The following IFI16 variants were observed in gnomAD, a reference collection of about 807,000 sequenced individuals.
IFI16 encodes the protein interferon gamma inducible protein 16.
A neutral mutation model predicts 68.4 loss-of-function variants in IFI16; 49 were observed. The observed-to-expected ratio is 0.72, with a 90% CI of 0.57 to 0.91. The LOEUF is 0.91. Among genes scored for constraint, IFI16 ranks in the 40% least tolerant of loss-of-function variants. The pLI is 0.00. For missense variants in IFI16, 878 were observed against 942.9 expected, an observed-to-expected ratio of 0.93 and a Z score of 0.90; for synonymous variants, 307 against 315.0, an observed-to-expected ratio of 0.97 and a Z score of 0.27.
At chr1:159,019,751 G>A (rs530076961) in intron 5 of IFI16, among the ~76,000 whole-genome samples, 4 of 152,224 alleles carry the variant, frequency 2.6e-5, no homozygotes, top group South Asian at 4.1e-4. Flanking sequence ...GAGCCATTGC[G>A]CATGGCCTAT....
rs191153476 is a variant in IFI16 at position 159,040,325 on chromosome 1, T to G, written c.1330-4972T>G. Among the ~76,000 whole-genome samples, 369 of 152,310 alleles carry G rather than the reference T, an allele frequency of 2.4e-3. 1 individual carries two copies. Among genetic ancestry groups the G allele is most frequent in the Middle Eastern group, 6.8e-3 (2 of 294 alleles). On this transcript the variant is annotated intron_variant, in intron 7 of 11. Coordinates refer to ENST00000295809, the MANE Select transcript of IFI16 (RefSeq NM_001376587.1). ...ATCATATTGCTTAAGAATAAATGCCTTGTGTGGTAAAAGCTATTTTTAGAG... is the reference window on the plus strand; with the variant it reads ...ATCATATTGCTTAAGAATAAATGCCGTGTGTGGTAAAAGCTATTTTTAGAG...
chr1:159,032,651 A>G lies in IFI16; in HGVS notation c.1289A>G (p.Gln430Arg). 6.2e-7 allele frequency: 1 copy of G among 1,607,530 alleles called. No individual in the cohort carries two copies. The highest frequency in any genetic ancestry group is 8.5e-7 in the Non-Finnish European group (1 of 1,177,764). The change falls in exon 7 of 12, where the codon CAG (glutamine) becomes CGG (arginine). Residue 430 changes from glutamine to arginine, a missense_variant. Physicochemically the swap from Gln to Arg is conservative, Grantham distance 43. Coordinates refer to ENST00000295809, the MANE Select transcript of IFI16 (RefSeq NM_001376587.1). Reference sequence around the variant, plus strand: ...CCTGAGAGCCATCTTCGGACTCCTCAGATGCCACCAACAACTCCATCCAGC... The same window carrying G: ...CCTGAGAGCCATCTTCGGACTCCTCGGATGCCACCAACAACTCCATCCAGC... ...TFPESHLRTP[Q>R]MPPTTPSSSF...
At chr1:159,021,676 T>C (rs11265131) in intron 6 of IFI16, among the ~76,000 whole-genome samples, 44,223 of 152,062 alleles carry the variant, frequency 0.29, 8,656 homozygotes, top group African/African-American at 0.55. Flanking sequence ...AAGGAATCTA[T>C]ACACTGTTTA....
chr1:159,046,041 A>G (rs866931803), intron 8 of IFI16, among the ~76,000 whole-genome samples: 4 of 151,378 alleles, frequency 2.6e-5, no homozygotes, highest in Admixed American at 6.6e-5. Context: ...CTTTTTATTA[A>G]TATATCTTGA....
In IFI16 at chr1:159,054,888, A is replaced by G. The variant is rs774141645; in HGVS notation, c.2345A>G (p.Asp782Gly). ...NPDSSMETSPDFFF is the reference protein window; with the variant it reads ...NPDSSMETSPGFFF ...GATTCAAGTATGGAAACTTCACCAG[A>G]CTTTTTCTTCTAAAATCTGGATGTC... Residue 782 changes from aspartate to glycine, a missense_variant, in exon 12 of 12, where the codon GAC (aspartate) becomes GGC (glycine). Asp to Gly is a moderately conservative substitution (Grantham distance 94). This residue lies in a region of IFI16 where 311 missense variants were observed against 305.1 expected (regional missense o/e 1.02). Transcript: ENST00000295809. 9 of 1,588,766 alleles carry G rather than the reference A, an allele frequency of 5.7e-6. No homozygotes were observed. In the Admixed American group the frequency reaches 1.5e-4, roughly 27 times the overall value.
intron 7 of IFI16, among the ~76,000 whole-genome samples, chr1:159,039,535 G>T (rs190489610): frequency 6.6e-6 from 1 of 152,038 alleles, no homozygotes; most frequent in East Asian, 1.9e-4. Flanking sequence ...GTAGAGACGG[G>T]GTTTAACCAT....
intron 6 of IFI16, among the ~76,000 whole-genome samples, chr1:159,024,632 G>A (rs759226643): frequency 2.6e-5 from 4 of 152,164 alleles, no homozygotes; most frequent in Non-Finnish European, 5.9e-5. Context: ...AGTGCTACGG[G>A]TAATTGTGTC....
chr1:159,054,247 A>G (rs1655544994), intron 11 of IFI16, among the ~76,000 whole-genome samples: 1 of 152,264 alleles, frequency 6.6e-6, no homozygotes, highest in Non-Finnish European at 1.5e-5. Flanking sequence ...AGACAGAGGT[A>G]GCTGGGTCTA....
rs192986502 is a variant in IFI16 at position 159,020,593 on chromosome 1, A to C, written c.1161+64A>C. ...GAAATGATTTGCTTTAAGTTTTGGC[A>C]AAAACAAGTTTGTAGGTTTTTTTTA... On this transcript the variant is annotated intron_variant, in intron 6 of 11. Coordinates refer to ENST00000295809, the MANE Select transcript of IFI16 (RefSeq NM_001376587.1). 3 of 1,286,096 alleles carry C rather than the reference A, an allele frequency of 2.3e-6. No individual in the cohort carries two copies. In the Admixed American group the frequency reaches 6.4e-5, roughly 27 times the overall value. 79.7% of individuals were successfully genotyped at this position (1,286,096 alleles called of 1,614,324 possible).
intron 7 of IFI16, among the ~76,000 whole-genome samples, chr1:159,032,914 T>C (rs1654097826): frequency 1.3e-5 from 2 of 152,060 alleles, no homozygotes. Flanking sequence ...TTTCTAACTT[T>C]AAGAGGATTA....
At chr1:159,004,187 A>G (rs1236582684), upstream of IFI16, among the ~76,000 whole-genome samples, 1 of 151,554 alleles carries the variant, frequency 6.6e-6, no homozygotes, top group Non-Finnish European at 1.5e-5. Flanking sequence ...CAGCCAAAAT[A>G]TTAAGGATGG....
chr1:159,017,775 T>C (rs1456288416), intron 4 of IFI16, among the ~76,000 whole-genome samples: 1 of 152,104 alleles, frequency 6.6e-6, no homozygotes, highest in African/African-American at 2.4e-5. Flanking sequence ...ACTCAGCTGA[T>C]TTTTGTACTT....
chr1:159,029,114 G>A (rs911771102), intron 6 of IFI16, among the ~76,000 whole-genome samples: 3 of 152,120 alleles, frequency 2.0e-5, no homozygotes, highest in African/African-American at 4.8e-5. Context: ...AATGTTTTAT[G>A]TTCTATTTTG....
At chr1:159,035,020 CAGA>C (rs1156555728) in intron 7 of IFI16, among the ~76,000 whole-genome samples, 11 of 152,274 alleles carry the variant, frequency 7.2e-5, no homozygotes, top group Admixed American at 3.3e-4. Context: ...GGAGGAAAAG[CAGA>C]AGGATTAAAT....
chr1:159,044,744 TGAA>T (rs762197949), intron 7 of IFI16, among the ~76,000 whole-genome samples: 5 of 152,168 alleles, frequency 3.3e-5, no homozygotes, highest in Non-Finnish European at 5.9e-5. Context: ...CTAAAAACTC[TGAA>T]AGATTCTGAT....
chr1:159,036,508 C>T (rs1654337401), intron 7 of IFI16, among the ~76,000 whole-genome samples: 1 of 152,218 alleles, frequency 6.6e-6, no homozygotes, highest in African/African-American at 2.4e-5. Flanking sequence ...CAAATCCAGC[C>T]TTAATGAACT....
Position 159,016,608 on chromosome 1 carries a change from T to G in IFI16, c.457T>G (p.Ser153Ala), listed in dbSNP as rs1196434208. The G allele has an allele frequency of 6.2e-7, 1 of 1,614,014 alleles. No homozygotes were observed. ...KVSEEQTQPP[S>A]PAGAGMSTAM... ...GTCCGAGGAACAGACTCAGCCTCCC[T>G]CTCCTGCAGGAGCCGGCATGTCCAC... is the stretch of plus-strand genomic sequence containing the variant. The change falls in exon 4 of 12, where the codon TCT becomes GCT. Residue 153 changes from serine (S) to alanine (A), a missense_variant. Physicochemically the swap from Ser to Ala is moderately conservative, Grantham distance 99 (BLOSUM62 1). Coordinates refer to ENST00000295809, the MANE Select transcript of IFI16 (RefSeq NM_001376587.1).
chr1:159,047,677 C>T (rs1012986835), intron 8 of IFI16, among the ~76,000 whole-genome samples: 12 of 149,960 alleles, frequency 8.0e-5, no homozygotes, highest in Middle Eastern at 3.4e-3. Flanking sequence ...CACAGGAGGC[C>T]TGCAAAAATG....
At position 159,018,426 on chromosome 1, in the gene IFI16, G is replaced by C. The variant is rs1455379757; in HGVS notation, c.747G>C (p.Leu249Phe). Residue 249 changes from leucine (L) to phenylalanine (F), a missense_variant, in exon 5 of 12, where the codon TTG (leucine) becomes TTC (phenylalanine). Leu to Phe is a conservative substitution (Grantham distance 22). Around this residue, in one of 4 missense-constraint regions of IFI16, gnomAD observed 443 missense variants for 421.8 expected, o/e 1.05. Transcript: ENST00000295809. ...FFHVKVLNTS[L>F]KEKFNGKKII... is the part of the protein sequence containing the mutation. ...ATGTGAAGGTTTTAAACACCAGCTT[G>C]AAGGAGAAATTCAATGGAAAGAAAA... 1 of 1,613,796 alleles carries C rather than the reference G, an allele frequency of 6.2e-7. No individual in the cohort carries two copies. The highest frequency in any genetic ancestry group is 2.2e-5 in the East Asian group (1 of 44,882).
Sources: allele counts gnomAD v4.1 joint callset (sites outside exome capture counted in the v4.1 genomes callset), GRCh38; gene constraint gnomAD v4.1.1; regional missense constraint gnomAD v4.1.1; transcripts MANE v1.5; gene names NCBI Gene and HGNC (gene_info 2026-07-23, HGNC 2026-07-21).